Variants in GRID2 observed in about 807,000 individuals in gnomAD.
The protein encoded by GRID2 is glutamate ionotropic receptor delta type subunit 2, also known as glutamate receptor ionotropic, delta-2.
GRID2 carries 33 observed loss-of-function variants against 114.8 expected under a neutral mutation model. The observed-to-expected ratio is 0.29, with a 90% CI of 0.22 to 0.38. GRID2 has a LOEUF of 0.38. GRID2 is among the 10% of genes least tolerant of loss of function. The probability of loss-of-function intolerance (pLI) is 1.00; values close to 1 mark genes in which losing one functional copy is unlikely to be tolerated. For synonymous variants in GRID2, 505 were observed against 449.9 expected (o/e 1.12, Z -1.55); for missense variants, 1,184 against 1,257.7 (o/e 0.94, Z 0.89).
intron 4 of GRID2, among the ~76,000 whole-genome samples, chr4:93,111,708 A>T (rs1405103247): frequency 1.3e-5 from 2 of 151,136 alleles, no homozygotes; most frequent in East Asian, 1.9e-4. Flanking sequence ...TGGAATTTTT[A>T]AAAATATTTT....
At chr4:92,436,128 A>T (rs1370441994) in intron 1 of GRID2, among the ~76,000 whole-genome samples, 1 of 152,180 alleles carries the variant, frequency 6.6e-6, no homozygotes, top group Non-Finnish European at 1.5e-5. Flanking sequence ...ATGCTATGAA[A>T]GTGTACCGCA....
At chr4:93,624,487 AT>A (rs1351616118) in intron 13 of GRID2, among the ~76,000 whole-genome samples, 4 of 152,006 alleles carry the variant, frequency 2.6e-5, no homozygotes, top group African/African-American at 9.6e-5. Flanking sequence ...CTCATTACGG[AT>A]TTTTTTTCTT....
At chr4:93,755,426 T>C (rs1332202923) in intron 14 of GRID2, among the ~76,000 whole-genome samples, 2 of 152,170 alleles carry the variant, frequency 1.3e-5, no homozygotes, top group African/African-American at 4.8e-5. Context: ...CTACTTTGTA[T>C]CACATTATGT....
At chr4:93,604,214 G>A (rs1009620365) in intron 13 of GRID2, among the ~76,000 whole-genome samples, 1 of 152,196 alleles carries the variant, frequency 6.6e-6, no homozygotes, top group Non-Finnish European at 1.5e-5. Context: ...GTCAACATTA[G>A]TAGGAATTTG....
At chr4:93,323,864 A>G (rs1028259880) in intron 8 of GRID2, among the ~76,000 whole-genome samples, 1 of 152,196 alleles carries the variant, frequency 6.6e-6, no homozygotes, top group Non-Finnish European at 1.5e-5. Flanking sequence ...TTACTGGTGT[A>G]TAAGAATGCT....
chr4:93,472,725 C>T (rs1724962310), intron 11 of GRID2, among the ~76,000 whole-genome samples: 1 of 152,116 alleles, frequency 6.6e-6, no homozygotes, highest in African/African-American at 2.4e-5. Context: ...AGAAAATCGA[C>T]TTTATGTTAC....
rs1459266177 is a variant in GRID2 at position 92,755,427 on chromosome 4, TA to T, written c.244+165145del. Among the ~76,000 whole-genome samples the T allele has an allele frequency of 2.0e-5, 3 of 152,030 alleles. No homozygotes were observed. The East Asian group carries it at 5.8e-4, about 29-fold the overall frequency. On this transcript the variant is annotated intron_variant, in intron 2 of 15. Transcript: ENST00000282020. ...ATCTTCAAGTACTATTACCAAAGAA[TA>T]AAATAGATAAGCAGATAAAGCAATG...
intron 2 of GRID2, among the ~76,000 whole-genome samples, chr4:92,845,795 T>C (rs1345728888): frequency 1.3e-5 from 2 of 152,156 alleles, no homozygotes; most frequent in Non-Finnish European, 2.9e-5. Flanking sequence ...TTTCAGCATG[T>C]ATTTGTTTCA....
At chr4:92,896,654 A>C (rs1397592662) in intron 2 of GRID2, among the ~76,000 whole-genome samples, 1 of 151,974 alleles carries the variant, frequency 6.6e-6, no homozygotes, top group African/African-American at 2.4e-5. Context: ...CATCATAACA[A>C]TTTCTCAGTT....
chr4:93,279,139 G>T (rs965371953), intron 8 of GRID2, among the ~76,000 whole-genome samples: 2 of 151,638 alleles, frequency 1.3e-5, no homozygotes, highest in African/African-American at 4.8e-5. Flanking sequence ...ATAACAAAAT[G>T]TCCCAAATAT....
At chr4:93,570,508 A>G (rs1463675564) in intron 13 of GRID2, among the ~76,000 whole-genome samples, 1 of 152,194 alleles carries the variant, frequency 6.6e-6, no homozygotes, top group Admixed American at 6.6e-5. Context: ...GAGGATAGCA[A>G]TCATTTATTT....
chr4:93,272,453 C>T lies in GRID2; in HGVS notation c.1245+33963C>T, dbSNP rs541538219. 4.6e-5 allele frequency among the ~76,000 whole-genome samples: 7 copies of T among 152,242 alleles called. No homozygotes were observed. In the East Asian group the frequency reaches 1.2e-3, roughly 25 times the overall value. ...GGTGCACTTTCAAAAAGCAAAGAGG[C>T]TATTGCAGCTGGAGCAGTGAGCAAA... On this transcript the variant is annotated intron_variant, in intron 8 of 15. Transcript: ENST00000282020.
At chr4:92,969,799 C>A (rs1162197393) in intron 2 of GRID2, among the ~76,000 whole-genome samples, 1 of 151,662 alleles carries the variant, frequency 6.6e-6, no homozygotes, top group Admixed American at 6.6e-5. Context: ...CAATAGAAAC[C>A]CTTGTTTCCC....
rs1029868347 is a variant in GRID2 at position 93,593,181 on chromosome 4, A to G, written c.2194-33088A>G. On this transcript the variant is annotated intron_variant, in intron 13 of 15. Coordinates refer to ENST00000282020, the MANE Select transcript of GRID2 (RefSeq NM_001510.4). Reference sequence around the variant, plus strand: ...GCTTTACATTTTGGCATGATTTTGCAGCAGCTGGTACCGGTTGTTCCTTTC... The same window carrying G: ...GCTTTACATTTTGGCATGATTTTGCGGCAGCTGGTACCGGTTGTTCCTTTC... Among the ~76,000 whole-genome samples, 15 of 150,070 alleles carry G rather than the reference A, an allele frequency of 1.0e-4. No individual in the cohort carries two copies. In the South Asian group the frequency reaches 1.5e-3, roughly 15 times the overall value.
intron 14 of GRID2, among the ~76,000 whole-genome samples, chr4:93,730,981 G>A (rs1448713110): frequency 2.0e-5 from 3 of 152,220 alleles, no homozygotes; most frequent in African/African-American, 4.8e-5. Context: ...CGTGGGGAGG[G>A]CAGTTTCCCC....
At position 93,424,588 on chromosome 4, in the gene GRID2, T is replaced by C. The variant is rs776479247; in HGVS notation, c.1545+1620T>C. Among the ~76,000 whole-genome samples the C allele has an allele frequency of 1.8e-4, 27 of 152,278 alleles. 1 individual carries two copies. Among genetic ancestry groups the C allele is most frequent in the Non-Finnish European group, 3.1e-4 (21 of 67,990 alleles). On this transcript the variant is annotated intron_variant, in intron 10 of 15. Transcript: ENST00000282020. ...TCTTTATATGTAGTATATTTTTGTATGTGTTAGTGGCCATTCTACAAGTTT... is the reference window on the plus strand; with the variant it reads ...TCTTTATATGTAGTATATTTTTGTACGTGTTAGTGGCCATTCTACAAGTTT...
intron 13 of GRID2, among the ~76,000 whole-genome samples, chr4:93,615,901 A>G (rs1741590479): frequency 6.6e-6 from 1 of 152,248 alleles, no homozygotes; most frequent in East Asian, 1.9e-4. Context: ...TTGGAAATAT[A>G]GTATATAAAT....
At chr4:93,462,768 T>G (rs962516619) in intron 11 of GRID2, among the ~76,000 whole-genome samples, 1 of 152,178 alleles carries the variant, frequency 6.6e-6, no homozygotes, top group Non-Finnish European at 1.5e-5. Context: ...CAATGTCCTA[T>G]TTACAAACTC....
At chr4:92,759,546 T>G (rs1737886779) in intron 2 of GRID2, among the ~76,000 whole-genome samples, 1 of 152,088 alleles carries the variant, frequency 6.6e-6, no homozygotes, top group African/African-American at 2.4e-5. Context: ...ATTTGTTAAC[T>G]TACAGAGTAA....
Sources: allele counts gnomAD v4.1 joint callset (sites outside exome capture counted in the v4.1 genomes callset), GRCh38; gene constraint gnomAD v4.1.1; transcripts MANE v1.5; gene names NCBI Gene and HGNC (gene_info 2026-07-23, HGNC 2026-07-21).